The following RAB38 variants were observed in gnomAD, a reference collection of about 807,000 sequenced individuals.
RAB38 encodes the protein RAB38, member RAS oncogene family, also known as ras-related protein Rab-38.
RAB38 carries 15 observed loss-of-function variants against 18.4 expected under a neutral mutation model. That is an observed-to-expected ratio of 0.82 (90% CI 0.55 to 1.26). The LOEUF (loss-of-function observed/expected upper bound fraction) is 1.26, where lower values mean the gene tolerates loss of function less well. Ranked by LOEUF, RAB38 falls within the 50% of genes most tolerant of loss-of-function variation. RAB38 has a pLI of 0.00. For synonymous variants in RAB38, 101 were observed against 104.4 expected (o/e 0.97, Z 0.20); for missense variants, 294 against 267.4 (o/e 1.10, Z -0.69).
intron 2 of RAB38, among the ~76,000 whole-genome samples, chr11:88,145,439 G>A (rs1040064667): frequency 1.3e-5 from 2 of 152,066 alleles, no homozygotes; most frequent in Admixed American, 6.5e-5. Flanking sequence ...GAGCCACCGC[G>A]CCCAGCCACA....
chr11:87,944,009 T>C, the RAB38 span, among the ~76,000 whole-genome samples: 4 of 152,306 alleles, frequency 2.6e-5, no homozygotes, highest in Non-Finnish European at 2.9e-5. Context: ...CTTGAAAATA[T>C]TGCAGGTTAG....
chr11:87,830,665 TATG>T, the RAB38 span, among the ~76,000 whole-genome samples: 2 of 152,172 alleles, frequency 1.3e-5, no homozygotes, highest in Non-Finnish European at 2.9e-5. Flanking sequence ...TATATTGTAA[TATG>T]ATGTAGCATA....
chr11:87,878,276 A>G, the RAB38 span, among the ~76,000 whole-genome samples: 308 of 135,908 alleles, frequency 2.3e-3, 11 homozygotes, highest in African/African-American at 7.4e-3. Context: ...CTATCTATCT[A>G]TCTATCTATC....
chr11:88,078,215 G>A, the RAB38 span, among the ~76,000 whole-genome samples: 1 of 151,986 alleles, frequency 6.6e-6, no homozygotes, highest in African/African-American at 2.4e-5. Flanking sequence ...ATCGTTGGTG[G>A]GGATGTAAAT....
chr11:87,814,757 A>C, the RAB38 span, among the ~76,000 whole-genome samples: 2 of 149,936 alleles, frequency 1.3e-5, no homozygotes, highest in South Asian at 4.2e-4. Context: ...TTTTTGAGAC[A>C]GAGTCTCGCT....
the RAB38 span, among the ~76,000 whole-genome samples, chr11:88,021,641 G>A: frequency 6.7e-6 from 1 of 148,568 alleles, no homozygotes; most frequent in Non-Finnish European, 1.5e-5. Flanking sequence ...CTCAGGCTGA[G>A]GTGCAGTGGC....
At chr11:87,880,747 AT>A in the RAB38 span, among the ~76,000 whole-genome samples, 1 of 151,818 alleles carries the variant, frequency 6.6e-6, no homozygotes, top group African/African-American at 2.4e-5. Flanking sequence ...CTGTTTAATC[AT>A]TTAATGGCCA....
rs1314983573 is a variant in RAB38 at position 88,113,973 on chromosome 11, C to T, written c.*15G>A. Reference sequence around the variant, plus strand: ...CAATGAGGTCATTCCTACCAGACACCAGCAAAGGTGCCTACTAGGATTTGG... The same window carrying T: ...CAATGAGGTCATTCCTACCAGACACTAGCAAAGGTGCCTACTAGGATTTGG... On this transcript the variant is annotated 3_prime_UTR_variant, in exon 3 of 3. Coordinates refer to ENST00000243662, the MANE Select transcript of RAB38 (RefSeq NM_022337.3). 5.0e-6 allele frequency: 8 copies of T among 1,613,824 alleles called. No homozygotes were observed. The highest frequency in any genetic ancestry group is 6.8e-6 in the Non-Finnish European group (8 of 1,179,878).
At chr11:87,805,460 T>G in the RAB38 span, among the ~76,000 whole-genome samples, 1 of 152,068 alleles carries the variant, frequency 6.6e-6, no homozygotes, top group African/African-American at 2.4e-5. Context: ...TTAATTTGCT[T>G]GACAAATATT....
At chr11:88,066,543 G>A in the RAB38 span, among the ~76,000 whole-genome samples, 2 of 152,142 alleles carry the variant, frequency 1.3e-5, no homozygotes, top group Admixed American at 6.5e-5. Flanking sequence ...AAATAACAAA[G>A]TATAAATATG....
chr11:88,080,874 G>C, the RAB38 span, among the ~76,000 whole-genome samples: 1 of 149,428 alleles, frequency 6.7e-6, no homozygotes, highest in Non-Finnish European at 1.5e-5. Flanking sequence ...AGGGAGGGAG[G>C]GAGGAAGAGA....
the RAB38 span, among the ~76,000 whole-genome samples, chr11:88,092,984 A>G: frequency 1.3e-5 from 2 of 151,916 alleles, no homozygotes; most frequent in Non-Finnish European, 2.9e-5. Flanking sequence ...CAAGATGATC[A>G]TATCTGGTGA....
At chr11:87,922,817 A>G in the RAB38 span, among the ~76,000 whole-genome samples, 1 of 151,604 alleles carries the variant, frequency 6.6e-6, no homozygotes, top group Non-Finnish European at 1.5e-5. Flanking sequence ...AGAGTAAGGG[A>G]AAAGGGAGGG....
At chr11:87,883,021 G>A in the RAB38 span, among the ~76,000 whole-genome samples, 1 of 151,704 alleles carries the variant, frequency 6.6e-6, no homozygotes, top group South Asian at 2.1e-4. Context: ...CATTTTTTTA[G>A]TCCTGTATGT....
chr11:87,937,870 G>GTGTTTTGTTTTTTTTTTTTTTTTTTT, the RAB38 span, among the ~76,000 whole-genome samples: 1 of 92,024 alleles, frequency 1.1e-5, no homozygotes, highest in African/African-American at 3.5e-5. Context: ...TCATTGAAGT[G>GTGTTTTGTTTTTTTTTTTTTTTTTTT]TTTTTTTTTT....
At chr11:87,906,858 C>A in the RAB38 span, among the ~76,000 whole-genome samples, 1 of 151,784 alleles carries the variant, frequency 6.6e-6, no homozygotes, top group East Asian at 1.9e-4. Flanking sequence ...AGTTTTGTTC[C>A]TTTTTACACC....
the RAB38 span, among the ~76,000 whole-genome samples, chr11:87,806,473 G>C: frequency 2.2e-4 from 33 of 152,106 alleles, no homozygotes; most frequent in African/African-American, 6.7e-4. Flanking sequence ...TCTCTCAAAG[G>C]CTCCATTCTC....
At chr11:87,843,595 C>T in the RAB38 span, among the ~76,000 whole-genome samples, 8 of 152,054 alleles carry the variant, frequency 5.3e-5, no homozygotes, top group African/African-American at 9.7e-5. Flanking sequence ...TCAAAAGACC[C>T]GATTTGAAAT....
intron 2 of RAB38, among the ~76,000 whole-genome samples, chr11:88,133,048 A>C (rs11018561): frequency 0.044 from 6,630 of 152,262 alleles, 203 homozygotes; most frequent in Non-Finnish European, 0.07. Flanking sequence ...GTGGTCTAGG[A>C]AAGATAGGTT....
Sources: allele counts gnomAD v4.1 joint callset (sites outside exome capture counted in the v4.1 genomes callset), GRCh38; gene constraint gnomAD v4.1.1; transcripts MANE v1.5; gene names NCBI Gene and HGNC (gene_info 2026-07-23, HGNC 2026-07-21).